NINL: variants seen among roughly 807,000 people sequenced by gnomAD.
The protein encoded by NINL is ninein like, also known as ninein-like protein.
Under a neutral mutation model 160.3 loss-of-function variants are expected in NINL, and 153 were observed. The observed-to-expected ratio is 0.95, with a 90% CI of 0.84 to 1.09. NINL has a LOEUF of 1.09. Ranked by LOEUF, NINL falls within the 50% of genes least tolerant of loss-of-function variation. NINL has a pLI of 0.00. For synonymous variants in NINL, 800 were observed against 734.8 expected, an observed-to-expected ratio of 1.09 and a Z score of -1.43; for missense variants, 1,829 against 1,764.0, an observed-to-expected ratio of 1.04 and a Z score of -0.66.
chr20:25,461,598 C>T lies in NINL; in HGVS notation c.3620G>A (p.Cys1207Tyr), dbSNP rs762312504. Residue 1207 changes from cysteine (C) to tyrosine (Y), a missense_variant, in exon 21 of 24, where the codon TGC becomes TAC. Coordinates refer to ENST00000278886, the MANE Select transcript of NINL (RefSeq NM_025176.6). ...CAGGCTCTGATGTTCCTGATTCAGG[C>T]ATTCAAGTTCAACTCTAAGTTTTTG... ...QIQKLRVELECLNQEHQSLQL... is the reference protein window; with the variant it reads ...QIQKLRVELEYLNQEHQSLQL... 2 of 1,611,768 alleles carry T rather than the reference C, an allele frequency of 1.2e-6. No individual in the cohort carries two copies. The highest frequency in any genetic ancestry group is 8.5e-7 in the Non-Finnish European group (1 of 1,179,198).
intron 2 of NINL, among the ~76,000 whole-genome samples, chr20:25,525,552 A>T (rs2064342977): frequency 1.3e-5 from 2 of 152,076 alleles, no homozygotes; most frequent in African/African-American, 4.8e-5. Flanking sequence ...TACTTGGGGG[A>T]CTGAGGCGGG....
At chr20:25,583,653 T>C (rs1456442829) in intron 1 of NINL, among the ~76,000 whole-genome samples, 2 of 152,246 alleles carry the variant, frequency 1.3e-5, no homozygotes, top group East Asian at 1.9e-4. Context: ...TAAATCATTC[T>C]ACTATAAAGA....
chr20:25,497,179 G>A (rs914830128), intron 9 of NINL, among the ~76,000 whole-genome samples: 9 of 152,322 alleles, frequency 5.9e-5, no homozygotes, highest in African/African-American at 1.7e-4. Flanking sequence ...ATTCAGTAAC[G>A]GGCATGTGGC....
At chr20:25,577,283 G>A (rs370676871) in intron 1 of NINL, among the ~76,000 whole-genome samples, 1 of 152,162 alleles carries the variant, frequency 6.6e-6, no homozygotes, top group Non-Finnish European at 1.5e-5. Context: ...ATGGAGACAC[G>A]CGTCCCCAAG....
chr20:25,552,951 G>GA (rs2064822652), intron 1 of NINL, among the ~76,000 whole-genome samples: 1 of 152,196 alleles, frequency 6.6e-6, no homozygotes, highest in East Asian at 1.9e-4. Flanking sequence ...GACACCCAGG[G>GA]AAAGTGCTGG....
intron 13 of NINL, among the ~76,000 whole-genome samples, chr20:25,488,082 G>C (rs1174343436): frequency 2.0e-5 from 3 of 152,226 alleles, no homozygotes; most frequent in African/African-American, 7.2e-5. Context: ...CTCTGAACCT[G>C]AACAATCAAT....
chr20:25,582,667 C>CA (rs1458656714), intron 1 of NINL, among the ~76,000 whole-genome samples: 5 of 152,118 alleles, frequency 3.3e-5, no homozygotes, highest in African/African-American at 1.2e-4. Context: ...ATAAGTCAAA[C>CA]AAAAGGGACA....
chr20:25,453,979 G>A (rs1287704266), intron 23 of NINL, among the ~76,000 whole-genome samples: 2 of 152,110 alleles, frequency 1.3e-5, no homozygotes, highest in African/African-American at 4.8e-5. Flanking sequence ...GTGAACCCGG[G>A]AGGTGGAGCT....
At chr20:25,510,993 G>A (rs920289984) in intron 4 of NINL, among the ~76,000 whole-genome samples, 20 of 152,120 alleles carry the variant, frequency 1.3e-4, no homozygotes, top group African/African-American at 4.3e-4. Flanking sequence ...CTGCACGCTC[G>A]GGGCTCCTCA....
intron 1 of NINL, among the ~76,000 whole-genome samples, chr20:25,534,154 T>C (rs1191302723): frequency 2.0e-5 from 3 of 152,228 alleles, no homozygotes; most frequent in Non-Finnish European, 4.4e-5. Context: ...AACCTTGGCC[T>C]TATCAGTACT....
At chr20:25,569,110 C>T (rs898605747) in intron 1 of NINL, among the ~76,000 whole-genome samples, 1 of 151,658 alleles carries the variant, frequency 6.6e-6, no homozygotes, top group African/African-American at 2.4e-5. Flanking sequence ...TGCCTGTAAT[C>T]CCAGTTACTA....
intron 8 of NINL, among the ~76,000 whole-genome samples, chr20:25,500,005 G>A (rs562200540): frequency 1.0e-4 from 15 of 148,284 alleles, no homozygotes; most frequent in Middle Eastern, 3.7e-3. Flanking sequence ...TCTCTCATGT[G>A]CCAGGGAAAA....
chr20:25,466,983 C>T (rs1040403014), intron 19 of NINL, among the ~76,000 whole-genome samples: 2 of 152,242 alleles, frequency 1.3e-5, no homozygotes, highest in African/African-American at 4.8e-5. Context: ...TGGCGTGCGG[C>T]TCCCCAGGCA....
chr20:25,579,850 T>A (rs2065153370), intron 1 of NINL, among the ~76,000 whole-genome samples: 1 of 152,112 alleles, frequency 6.6e-6, no homozygotes. Context: ...CTGAGTTGGG[T>A]TTTCCAACAC....
At position 25,467,675 on chromosome 20, in the gene NINL, A is replaced by C. The variant is rs374203967; in HGVS notation, c.3354-217T>G. Among the ~76,000 whole-genome samples, 14 of 152,314 alleles carry C rather than the reference A, an allele frequency of 9.2e-5. No homozygotes were observed. In the East Asian group the frequency reaches 1.4e-3, roughly 15 times the overall value. ...TTCCATGGTTTATCCCAAACCACGA[A>C]GACTTTAGGAATGTGAAACTGTCGG... On this transcript the variant is annotated intron_variant, in intron 18 of 23. Transcript: ENST00000278886.
chr20:25,477,322 G>A (rs928148167), intron 16 of NINL, among the ~76,000 whole-genome samples: 1 of 152,174 alleles, frequency 6.6e-6, no homozygotes, highest in Non-Finnish European at 1.5e-5. Context: ...GCCCAAGCAC[G>A]AACCCTTTCC....
At chr20:25,470,542 C>G (rs1331278330) in intron 17 of NINL, among the ~76,000 whole-genome samples, 1 of 152,178 alleles carries the variant, frequency 6.6e-6, no homozygotes, top group Non-Finnish European at 1.5e-5. Flanking sequence ...TATGGGAAAC[C>G]TCTGCTAGGT....
intron 21 of NINL, among the ~76,000 whole-genome samples, chr20:25,460,348 C>T (rs915936721): frequency 3.3e-5 from 5 of 152,282 alleles, no homozygotes; most frequent in South Asian, 2.1e-4. Flanking sequence ...CTCTAAATCA[C>T]GAGGAAGAAG....
chr20:25,574,531 G>C (rs1194968493), intron 1 of NINL, among the ~76,000 whole-genome samples: 1 of 152,214 alleles, frequency 6.6e-6, no homozygotes, highest in Non-Finnish European at 1.5e-5. Context: ...AGAAAGGGAA[G>C]GATCCAGGCC....
Sources: allele counts gnomAD v4.1 joint callset (sites outside exome capture counted in the v4.1 genomes callset), GRCh38; gene constraint gnomAD v4.1.1; transcripts MANE v1.5; gene names NCBI Gene and HGNC (gene_info 2026-07-23, HGNC 2026-07-21).